UQCRC1: variants seen among roughly 807,000 people sequenced by gnomAD.
UQCRC1 encodes the protein cytochrome b-c1 complex subunit 1, mitochondrial.
A neutral mutation model predicts 58.0 loss-of-function variants in UQCRC1; 34 were observed. The ratio of observed to expected loss-of-function variants is 0.59; its 90% CI spans 0.45 to 0.78. The LOEUF is 0.78. Among genes scored for constraint, UQCRC1 ranks in the 30% least tolerant of loss-of-function variants. The pLI is 0.00. For missense variants in UQCRC1, 610 were observed against 646.0 expected (o/e 0.94, Z 0.60); for synonymous variants, 276 against 248.8 (o/e 1.11, Z -1.03).
chr3:48,607,003 C>T (rs976365461), intron 2 of UQCRC1, among the ~76,000 whole-genome samples: 16 of 151,788 alleles, frequency 1.1e-4, no homozygotes, highest in Admixed American at 5.9e-4. Flanking sequence ...GAACTACAGG[C>T]GTGCACCACC....
At chr3:48,601,493 T>C (rs745951711) in intron 6 of UQCRC1, 26 bp from the exon 7 acceptor site, 2 of 1,609,260 alleles carry the variant, frequency 1.2e-6, no homozygotes, top group Non-Finnish European at 8.5e-7. Context: ...GTGGCATTAC[T>C]GACCAGCCAG....
In UQCRC1 at chr3:48,600,959, T is replaced by A. The variant is rs557741559; in HGVS notation, c.966+16A>T. Reference sequence around the variant, plus strand: ...CTTCCCTGAAGGCGAGGTCCCATGCTCGCGCTGGCACTCACCACGCCACCA... The same window carrying A: ...CTTCCCTGAAGGCGAGGTCCCATGCACGCGCTGGCACTCACCACGCCACCA... On this transcript the variant is annotated intron_variant, in intron 8 of 12. Coordinates refer to ENST00000203407, the MANE Select transcript of UQCRC1 (RefSeq NM_003365.3). 10 of 1,601,898 alleles carry A rather than the reference T, an allele frequency of 6.2e-6. No individual in the cohort carries two copies. In the East Asian group the frequency reaches 2.2e-4, roughly 36 times the overall value.
Position 48,599,074 on chromosome 3 carries a change from G to T in UQCRC1, c.*54C>A, listed in dbSNP as rs9166. On this transcript the variant is annotated 3_prime_UTR_variant, in exon 13 of 13. Coordinates refer to ENST00000203407, the MANE Select transcript of UQCRC1 (RefSeq NM_003365.3). ...GGAGCCGAAGTGCTGTGTTTGTGGT[G>T]GGGGGGGGACCACAAACCCCGGCCC... 0.038 allele frequency: 53,278 copies of T among 1,387,720 alleles called. 1,036 individuals carry two copies. Among genetic ancestry groups the T allele is most frequent in the Non-Finnish European group, 0.045 (45,584 of 1,012,584 alleles). 86.0% of individuals were successfully genotyped at this position (1,387,720 alleles called of 1,614,324 possible).
Position 48,599,058 on chromosome 3 carries a change from GTGCTGT to G in UQCRC1, c.*64_*69del. On this transcript the variant is annotated 3_prime_UTR_variant, in exon 13 of 13. Coordinates refer to ENST00000203407, the MANE Select transcript of UQCRC1 (RefSeq NM_003365.3). ...TGTGGCACAGGTTAGAGGAGCCGAA[GTGCTGT>G]GTTTGTGGTGGGGGGGGGACCACAA... The G allele has an allele frequency of 6.4e-7, 1 of 1,572,636 alleles. No homozygotes were observed. The highest frequency in any genetic ancestry group is 1.1e-5 in the South Asian group (1 of 89,174).
chr3:48,599,025 T>G lies in UQCRC1; in HGVS notation c.*103A>C. ...ACTTCTCAGCAGAGGATTTTATTGG[T>G]GGTCACCTGTGGCACAGGTTAGAGG... On this transcript the variant is annotated 3_prime_UTR_variant, in exon 13 of 13. Coordinates refer to ENST00000203407, the MANE Select transcript of UQCRC1 (RefSeq NM_003365.3). 6 of 1,324,378 alleles carry G rather than the reference T, an allele frequency of 4.5e-6. No homozygotes were observed. Among genetic ancestry groups the G allele is most frequent in the Non-Finnish European group, 6.3e-6 (6 of 944,906 alleles). 82.0% of individuals were successfully genotyped at this position (1,324,378 alleles called of 1,614,324 possible).
intron 6 of UQCRC1, 66 bp from the exon 7 acceptor site, chr3:48,601,533 AG>A: frequency 6.9e-7 from 1 of 1,443,584 alleles, no homozygotes; most frequent in Non-Finnish European, 9.6e-7. Flanking sequence ...GGCGATTCAC[AG>A]ACAGGCAGAG....
chr3:48,601,214 G>A lies in UQCRC1; in HGVS notation c.823-96C>T, dbSNP rs193170900. The A allele has an allele frequency of 9.7e-6, 15 of 1,539,042 alleles. No homozygotes were observed. In the Admixed American group the frequency reaches 2.7e-4, roughly 27 times the overall value. The stretch of plus-strand genomic sequence containing the variant: ...GTAGAGGGTGTATGTGTGTGAACAT[G>A]TGTGCCTGTGATGCAGCAGCCACAG... On this transcript the variant is annotated intron_variant, in intron 7 of 12. Transcript: ENST00000203407.
rs753120561 is a variant in UQCRC1, at chr3:48,600,800, T to C, written c.1007A>G (p.Lys336Arg). Residue 336 changes from lysine to arginine, a missense_variant, in exon 9 of 13, where the codon AAG becomes AGG. Coordinates refer to ENST00000203407, the MANE Select transcript of UQCRC1 (RefSeq NM_003365.3). The stretch of plus-strand genomic sequence containing the variant: ...GAAGGTCTGGAAACTCTGGCATAGC[T>C]TGTTGGCCACAGCACCTGAAGCCAG... ...SPLASGAVAN[K>R]LCQSFQTFSI... is the part of the protein sequence containing the mutation. 6.2e-7 allele frequency: 1 copy of C among 1,614,134 alleles called. No individual in the cohort carries two copies. Among genetic ancestry groups the C allele is most frequent in the Admixed American group, 1.7e-5 (1 of 60,028 alleles).
intron 2 of UQCRC1, 84 bp from the exon 3 acceptor site, chr3:48,605,940 A>G: frequency 7.5e-7 from 1 of 1,325,716 alleles, no homozygotes; most frequent in Non-Finnish European, 1.0e-6. Flanking sequence ...ACTCAGTACA[A>G]GCCCCAGGCA....
intron 2 of UQCRC1, among the ~76,000 whole-genome samples, chr3:48,606,214 A>G (rs559346349): frequency 6.6e-6 from 1 of 152,344 alleles, no homozygotes; most frequent in East Asian, 1.9e-4. Flanking sequence ...TCATTTGCAA[A>G]TAACAACTTA....
chr3:48,605,978 G>A (rs2046407548), intron 2 of UQCRC1, 122 bp from the exon 3 acceptor site: 2 of 924,016 alleles, frequency 2.2e-6, no homozygotes, highest in East Asian at 2.8e-5. Context: ...GAGTCAGGGA[G>A]AGCTGCCCCA....
intron 11 of UQCRC1, 80 bp from the exon 12 acceptor site, chr3:48,599,790 G>A: frequency 7.0e-7 from 1 of 1,436,150 alleles, no homozygotes; most frequent in Non-Finnish European, 9.8e-7. Context: ...CCAACTAGCA[G>A]AGATCTCCCA....
intron 6 of UQCRC1, among the ~76,000 whole-genome samples, chr3:48,602,522 TG>T (rs1429142328): frequency 4.0e-5 from 6 of 151,000 alleles, no homozygotes; most frequent in African/African-American, 9.7e-5. Flanking sequence ...GAAGCATGTT[TG>T]TTTTTTTTTT....
chr3:48,605,668 C>T (rs1018704608), intron 3 of UQCRC1, 102 bp downstream of exon 3: 14 of 1,183,260 alleles, frequency 1.2e-5, no homozygotes, highest in African/African-American at 6.2e-5. Context: ...ACATCAGCCC[C>T]GCAACTGAGG....
In UQCRC1 at chr3:48,601,363, T is replaced by C. The variant is rs1313119402; in HGVS notation, c.811A>G (p.Thr271Ala). ...AVPTLTPCRF[T>A]GSEIRHRDDA... Reference sequence around the variant, plus strand: ...AAAAGGCAGCATACCTCACTGCCAGTGAAGCGGCATGGAGTAAGAGTGGGC... The same window carrying C: ...AAAAGGCAGCATACCTCACTGCCAGCGAAGCGGCATGGAGTAAGAGTGGGC... The change falls in exon 7 of 13, where the codon ACT (threonine) becomes GCT (alanine). Residue 271 changes from threonine (T) to alanine (A), a missense_variant. Coordinates refer to ENST00000203407, the MANE Select transcript of UQCRC1 (RefSeq NM_003365.3). 1 of 1,614,042 alleles carries C rather than the reference T, an allele frequency of 6.2e-7. No homozygotes were observed. The highest frequency in any genetic ancestry group is 8.5e-7 in the Non-Finnish European group (1 of 1,180,018).
rs868025745 is a variant in UQCRC1 at position 48,604,682 on chromosome 3, G to A, written c.396C>T (p.Tyr132=). 24 of 1,614,072 alleles carry A rather than the reference G, an allele frequency of 1.5e-5. No homozygotes were observed. In the Middle Eastern group the frequency reaches 1.2e-3, roughly 77 times the overall value. The change falls in exon 4 of 13, where the codon TAC becomes TAT. Residue 132 remains tyrosine (Y), a synonymous_variant. Transcript: ENST00000203407. ...GCAGATCCTTGGACAGCGCCTTGAT[G>A]TAGTAAGCTGTGTGCTCCCGGGTGC... ...AYSTREHTAY[Y]IKALSKDLPK...
chr3:48,599,513 T>G, intron 12 of UQCRC1, 122 bp downstream of exon 12: 2 of 1,093,910 alleles, frequency 1.8e-6, no homozygotes, highest in Non-Finnish European at 2.7e-6. Flanking sequence ...TGGGGAGAGC[T>G]GCTTGGGGCC....
chr3:48,603,466 T>C lies in UQCRC1; in HGVS notation c.706+98A>G, dbSNP rs1205523185. The C allele has an allele frequency of 3.3e-6, 4 of 1,219,656 alleles. No homozygotes were observed. The African/African-American group carries it at 6.0e-5, about 18-fold the overall frequency. 75.6% of individuals were successfully genotyped at this position (1,219,656 alleles called of 1,614,324 possible). On this transcript the variant is annotated intron_variant, in intron 6 of 12. Transcript: ENST00000203407. ...AGGTTAGGGTGGGAGCAGAGTCCCC[T>C]GGGGTGAAAGGTCCCCTATGGTGGG...
chr3:48,609,120 C>T (rs571385982), intron 2 of UQCRC1, 42 bp downstream of exon 2: 8 of 1,573,294 alleles, frequency 5.1e-6, no homozygotes, highest in Non-Finnish European at 6.1e-6. Flanking sequence ...AGACGGCAGG[C>T]CCAACCTGGA....
Sources: gnomAD v4.1 joint callset for allele counts (sites outside exome capture counted in the v4.1 genomes callset) on GRCh38, gnomAD v4.1.1 for gene constraint, MANE v1.5 for transcripts, NCBI Gene and HGNC (gene_info 2026-07-23, HGNC 2026-07-21) for gene names.